PHLPP1: variants seen among roughly 807,000 people sequenced by gnomAD.
The protein encoded by PHLPP1 is PH domain leucine-rich repeat-containing protein phosphatase 1.
In PHLPP1, 42 loss-of-function variants were observed where a neutral mutation model predicts 117.2. The ratio of observed to expected loss-of-function variants is 0.36; its 90% CI spans 0.28 to 0.46. PHLPP1 has a LOEUF of 0.46. Ranked by LOEUF, PHLPP1 falls within the 20% of genes least tolerant of loss-of-function variation. The pLI, the probability that PHLPP1 is intolerant of heterozygous loss-of-function variation, is 1.00. For synonymous variants in PHLPP1, 1,042 were observed against 970.7 expected, an observed-to-expected ratio of 1.07 and a Z score of -1.37; for missense variants, 2,084 against 2,241.9, an observed-to-expected ratio of 0.93 and a Z score of 1.42.
intron 4 of PHLPP1, among the ~76,000 whole-genome samples, chr18:62,867,731 C>G (rs1915802111): frequency 1.3e-5 from 2 of 152,120 alleles, no homozygotes; most frequent in African/African-American, 4.8e-5. Flanking sequence ...TAGAGAAACC[C>G]TTTGGTATTC....
intron 1 of PHLPP1, among the ~76,000 whole-genome samples, chr18:62,762,205 C>G (rs1912267802): frequency 6.6e-6 from 1 of 151,444 alleles, no homozygotes; most frequent in African/African-American, 2.4e-5. Context: ...GTATCTAGTT[C>G]AGGTCGTCAC....
chr18:62,936,972 T>C lies in PHLPP1; in HGVS notation c.2961-4746T>C, dbSNP rs142115847. 1.1e-4 allele frequency among the ~76,000 whole-genome samples: 16 copies of C among 152,370 alleles called. No individual in the cohort carries two copies. The East Asian group carries it at 1.9e-3, about 18-fold the overall frequency. ...GAGGGTTGCCTAAAAGTAAGAGTTT[T>C]GCTGGGGTTAGACAGTTGTGACTAT... On this transcript the variant is annotated intron_variant, in intron 10 of 16. Transcript: ENST00000262719.
chr18:62,970,555 A>G (rs1478220232), intron 14 of PHLPP1, among the ~76,000 whole-genome samples: 2 of 152,186 alleles, frequency 1.3e-5, no homozygotes, highest in East Asian at 3.8e-4. Flanking sequence ...GCTCGAGATC[A>G]GGAGTATGAG....
chr18:62,903,085 G>C lies in PHLPP1; in HGVS notation c.2566G>C (p.Val856Leu). 1 of 1,613,556 alleles carries C rather than the reference G, an allele frequency of 6.2e-7. No homozygotes were observed. Among genetic ancestry groups the C allele is most frequent in the South Asian group, 1.1e-5 (1 of 91,068 alleles). ...LDAMIFNNIE[V>L]LHCERNQLVT... ...TGCTATGATTTTCAACAACATTGAA[G>C]TTTTACACTGTGAAAGGAATCAACT... Residue 856 changes from valine (V) to leucine (L), a missense_variant, in exon 7 of 17, where the codon GTT becomes CTT. Physicochemically the swap from Val to Leu is conservative, Grantham distance 32. Transcript: ENST00000262719.
intron 6 of PHLPP1, among the ~76,000 whole-genome samples, chr18:62,898,210 A>G (rs1916618177): frequency 6.6e-6 from 1 of 152,192 alleles, no homozygotes; most frequent in African/African-American, 2.4e-5. Flanking sequence ...TTAAGCTGCC[A>G]GCTGGATAAC....
chr18:62,888,703 A>G (rs1916344980), intron 4 of PHLPP1, among the ~76,000 whole-genome samples: 1 of 152,158 alleles, frequency 6.6e-6, no homozygotes, highest in Admixed American at 6.5e-5. Flanking sequence ...TCTCAAAATA[A>G]TGAATGAATG....
At chr18:62,917,396 T>TGTGTGTGTGTG (rs1909321733) in intron 9 of PHLPP1, among the ~76,000 whole-genome samples, 1,643 of 141,474 alleles carry the variant, frequency 0.012, 21 homozygotes, top group Non-Finnish European at 0.018. Flanking sequence ...ACAGTATTCT[T>TGTGTGTGTGTG]TGTGTGTGTG....
intron 1 of PHLPP1, among the ~76,000 whole-genome samples, chr18:62,766,435 C>T (rs1912535505): frequency 6.6e-6 from 1 of 151,928 alleles, no homozygotes; most frequent in South Asian, 2.1e-4. Flanking sequence ...AGGAACTGGG[C>T]CTGTCTAGTT....
At chr18:62,916,812 G>A (rs1413767790) in intron 9 of PHLPP1, among the ~76,000 whole-genome samples, 4 of 120,472 alleles carry the variant, frequency 3.3e-5, no homozygotes, top group African/African-American at 1.3e-4. Context: ...GCAATGCAGT[G>A]GTGCGATCTT....
chr18:62,766,076 A>AAATATATATATATATAT, intron 1 of PHLPP1, among the ~76,000 whole-genome samples: 17 of 21,664 alleles, frequency 7.8e-4, no homozygotes, highest in South Asian at 4.6e-3. Flanking sequence ...AAAAAAAAAA[A>AAATATATATATATATAT]ATATATATAT....
chr18:62,891,742 AAT>A (rs1463915547), intron 4 of PHLPP1, among the ~76,000 whole-genome samples: 4 of 150,464 alleles, frequency 2.7e-5, no homozygotes, highest in African/African-American at 9.8e-5. Context: ...AAAAAAAAAA[AAT>A]TAGCTGGGTT....
chr18:62,979,602 G>C lies in PHLPP1; in HGVS notation c.*171G>C, dbSNP rs1911317951. On this transcript the variant is annotated 3_prime_UTR_variant, in exon 17 of 17. Coordinates refer to ENST00000262719, the MANE Select transcript of PHLPP1 (RefSeq NM_194449.4). ...CTCTTTCTTTGGGTTATTTTTTTAA[G>C]TAATCACCACTTTCTTCTAGTGATG... 2.9e-6 allele frequency: 2 copies of C among 678,242 alleles called. No individual in the cohort carries two copies. Among genetic ancestry groups the C allele is most frequent in the Non-Finnish European group, 4.9e-6 (2 of 408,476 alleles). The allele number at this position is 678,242 out of a possible 1,614,324, so 42.0% of individuals were successfully genotyped here. A position where few individuals can be genotyped will look rare whatever the true frequency, so the allele number is the denominator to read the frequency against.
intron 1 of PHLPP1, among the ~76,000 whole-genome samples, chr18:62,755,369 T>C (rs1911983031): frequency 6.6e-6 from 1 of 152,124 alleles, no homozygotes; most frequent in Non-Finnish European, 1.5e-5. Context: ...ATGATTCCTA[T>C]GGAGAAAGAG....
chr18:62,815,452 C>T (rs375579036), intron 1 of PHLPP1, among the ~76,000 whole-genome samples: 7 of 152,268 alleles, frequency 4.6e-5, no homozygotes, highest in South Asian at 2.1e-4. Flanking sequence ...CCACCGCGCC[C>T]GGCCTTGAGG....
rs1423716864 is a variant in PHLPP1, at chr18:62,770,576, T to C, written c.1576+53317T>C. On this transcript the variant is annotated intron_variant, in intron 1 of 16. Transcript: ENST00000262719. ...TGGATGAGAACACCATACATTCTTTTTGCATTTAGAAATATATTGGTGATG... is the reference window on the plus strand; with the variant it reads ...TGGATGAGAACACCATACATTCTTTCTGCATTTAGAAATATATTGGTGATG... Among the ~76,000 whole-genome samples the C allele has an allele frequency of 3.3e-5, 5 of 152,220 alleles. No homozygotes were observed. In the East Asian group the frequency reaches 9.6e-4, roughly 29 times the overall value.
intron 1 of PHLPP1, among the ~76,000 whole-genome samples, chr18:62,805,181 T>TACA: frequency 1.1e-4 from 16 of 142,646 alleles, no homozygotes; most frequent in African/African-American, 4.2e-4. Flanking sequence ...ACATATACAG[T>TACA]ATAATATACA....
At chr18:62,795,615 A>G (rs1913610736) in intron 1 of PHLPP1, among the ~76,000 whole-genome samples, 1 of 152,064 alleles carries the variant, frequency 6.6e-6, no homozygotes, top group Non-Finnish European at 1.5e-5. Flanking sequence ...TCTTCTCTAC[A>G]GGAATCTTTA....
At chr18:62,927,423 A>G (rs1599125230) in intron 10 of PHLPP1, among the ~76,000 whole-genome samples, 1 of 152,202 alleles carries the variant, frequency 6.6e-6, no homozygotes, top group South Asian at 2.1e-4. Flanking sequence ...TAAGAAAACT[A>G]TAAGACAACA....
At chr18:62,753,432 A>G (rs1911919176) in intron 1 of PHLPP1, among the ~76,000 whole-genome samples, 1 of 152,230 alleles carries the variant, frequency 6.6e-6, no homozygotes, top group South Asian at 2.1e-4. Context: ...TAATAGTAAT[A>G]TAATAACTAT....
Sources: allele counts gnomAD v4.1 joint callset (sites outside exome capture counted in the v4.1 genomes callset), GRCh38; gene constraint gnomAD v4.1.1; transcripts MANE v1.5; gene names NCBI Gene and HGNC (gene_info 2026-07-23, HGNC 2026-07-21).